The following TTLL12 variants were observed in gnomAD, a reference collection of about 807,000 sequenced individuals.
TTLL12 encodes the protein tubulin tyrosine ligase like 12, also known as tubulin--tyrosine ligase-like protein 12.
A neutral mutation model predicts 79.6 loss-of-function variants in TTLL12; 77 were observed. That is an observed-to-expected ratio of 0.97 (90% CI 0.81 to 1.17). The LOEUF (loss-of-function observed/expected upper bound fraction) is 1.17, where lower values mean the gene tolerates loss of function less well. TTLL12 is among the 50% of genes most tolerant of loss of function. The pLI is 0.00. For synonymous variants in TTLL12, 437 were observed against 376.1 expected (o/e 1.16, Z -1.87); for missense variants, 969 against 895.9 (o/e 1.08, Z -1.04).
chr22:43,173,073 T>C (rs1931806596), intron 9 of TTLL12, among the ~76,000 whole-genome samples: 1 of 152,200 alleles, frequency 6.6e-6, no homozygotes, highest in Admixed American at 6.5e-5. Flanking sequence ...CCCCATCCCA[T>C]GGCCTGAAGT....
intron 8 of TTLL12, 54 bp downstream of exon 8, chr22:43,174,155 G>T: frequency 6.4e-7 from 1 of 1,565,372 alleles, no homozygotes; most frequent in Non-Finnish European, 8.6e-7. Context: ...GGACACAGAC[G>T]CTGGGCCGGG....
At position 43,167,827 on chromosome 22, in the gene TTLL12, G is replaced by C; in HGVS notation, c.*181C>G. ...CTGTCCTGCTCTGACCCACAGGTGA[G>C]AGGAGGATGCTGTGCTCCCGGAGTG... is the stretch of plus-strand genomic sequence containing the variant. On this transcript the variant is annotated 3_prime_UTR_variant, in exon 14 of 14. Coordinates refer to ENST00000216129, the MANE Select transcript of TTLL12 (RefSeq NM_015140.4). 1 of 684,036 alleles carries C rather than the reference G, an allele frequency of 1.5e-6. No individual in the cohort carries two copies. Among genetic ancestry groups the C allele is most frequent in the Non-Finnish European group, 2.4e-6 (1 of 412,586 alleles). 42.4% of individuals were successfully genotyped at this position (684,036 alleles called of 1,614,324 possible).
At chr22:43,172,739 C>G (rs1181590442) in intron 9 of TTLL12, among the ~76,000 whole-genome samples, 185 bp from the exon 10 acceptor site, 1 of 151,846 alleles carries the variant, frequency 6.6e-6, no homozygotes, top group Non-Finnish European at 1.5e-5. Flanking sequence ...GTTCTGTTGC[C>G]CAAGCTGGAG....
chr22:43,181,863 C>T (rs916519064), intron 2 of TTLL12, among the ~76,000 whole-genome samples: 9 of 152,094 alleles, frequency 5.9e-5, no homozygotes, highest in Admixed American at 5.9e-4. Flanking sequence ...AGTGGGTGAC[C>T]ACGTGATGCA....
chr22:43,174,348 G>A lies in TTLL12; in HGVS notation c.1090C>T (p.Leu364=), dbSNP rs762612597. The change falls in exon 8 of 14, where the codon CTG becomes TTG. Residue 364 remains leucine (L), a synonymous_variant. Coordinates refer to ENST00000216129, the MANE Select transcript of TTLL12 (RefSeq NM_015140.4). ...GCCAGGCAGTCCTTGACAGTCAGCA[G>A]GTTCTCGCAGGGGAACTGGTTCAGC... ...VLLNQFPCEN[L]LTVKDCLASI... is the part of the protein sequence containing the mutation. 11 of 1,596,242 alleles carry A rather than the reference G, an allele frequency of 6.9e-6. No individual in the cohort carries two copies. The highest frequency in any genetic ancestry group is 3.3e-5 in the South Asian group (3 of 89,908).
At chr22:43,185,065 T>C (rs2146626759) in intron 1 of TTLL12, among the ~76,000 whole-genome samples, 1 of 151,452 alleles carries the variant, frequency 6.6e-6, no homozygotes, top group East Asian at 2.0e-4. Context: ...CCATCTCTAC[T>C]AAAAATACAA....
chr22:43,182,720 G>A (rs1395980036), intron 2 of TTLL12, among the ~76,000 whole-genome samples: 2 of 152,162 alleles, frequency 1.3e-5, no homozygotes, highest in African/African-American at 4.8e-5. Context: ...CTAATCCCCT[G>A]TAGCAGGACC....
chr22:43,176,386 T>C lies in TTLL12; in HGVS notation c.851A>G (p.Glu284Gly), dbSNP rs548022171. The change falls in exon 6 of 14, where the codon GAG (glutamate) becomes GGG (glycine). Residue 284 changes from glutamate to glycine, a missense_variant. Physicochemically the swap from Glu to Gly is moderately conservative, Grantham distance 98 (BLOSUM62 -2). Transcript: ENST00000216129. ...PPAEHYQAIL[E>G]ENKEKLPLDI... ...AAGTGGCAGCTTCTCCTTGTTTTCC[T>C]CCAGAATGGCCTAAAAGGAAACACA... 2 of 1,605,526 alleles carry C rather than the reference T, an allele frequency of 1.2e-6. No individual in the cohort carries two copies. The highest frequency in any genetic ancestry group is 2.2e-5 in the South Asian group (2 of 89,078).
rs769505266 is a variant in TTLL12 at position 43,180,744 on chromosome 22, C to T, written c.544G>A (p.Gly182Arg). 1.6e-5 allele frequency: 26 copies of T among 1,612,868 alleles called. No homozygotes were observed. The highest frequency in any genetic ancestry group is 3.3e-5 in the Admixed American group (2 of 59,994). Residue 182 changes from glycine (G) to arginine (R), a missense_variant and splice_region_variant, in exon 3 of 14, where the codon GGG becomes AGG. Gly to Arg is a moderately radical substitution (Grantham distance 125, BLOSUM62 -2). Coordinates refer to ENST00000216129, the MANE Select transcript of TTLL12 (RefSeq NM_015140.4). ...CCGGGGCCCAGCTACCCACTCACCC[C>T]ATGGGCCAGCTGGTAGGTCTGGTTG... ...KFNQTYQLAH[G>R]TAEEKMPVWY... is the part of the protein sequence containing the mutation.
At chr22:43,169,873 C>T (rs748014267) in intron 11 of TTLL12, 18 of 489,860 alleles carry the variant, frequency 3.7e-5, no homozygotes, top group Non-Finnish European at 7.2e-5. Context: ...TCACGCGAGA[C>T]AATGAACATC....
Position 43,187,099 on chromosome 22 carries a change from C to G in TTLL12, c.-30G>C. The G allele has an allele frequency of 9.1e-7, 1 of 1,095,050 alleles. No individual in the cohort carries two copies. Among genetic ancestry groups the G allele is most frequent in the Non-Finnish European group, 1.1e-6 (1 of 903,172 alleles). 67.8% of individuals were successfully genotyped at this position (1,095,050 alleles called of 1,614,324 possible). ...CCAGCACCCGCGCCGACTCCAGCGC[C>G]GCCACCGCCGCCGCCGCCCGCCGTC... On this transcript the variant is annotated 5_prime_UTR_variant, in exon 1 of 14. Transcript: ENST00000216129.
At chr22:43,181,830 G>C (rs2067073509) in intron 2 of TTLL12, among the ~76,000 whole-genome samples, 1 of 152,202 alleles carries the variant, frequency 6.6e-6, no homozygotes, top group African/African-American at 2.4e-5. Flanking sequence ...AAATAAGTGG[G>C]TTTACTCTTG....
At chr22:43,185,297 A>ATATGTATG (rs1569488247) in intron 1 of TTLL12, among the ~76,000 whole-genome samples, 2 of 106,132 alleles carry the variant, frequency 1.9e-5, no homozygotes, top group African/African-American at 7.6e-5. Flanking sequence ...ATATATATAT[A>ATATGTATG]TATGTATGTA....
rs745411382 is a variant in TTLL12, at chr22:43,173,744, T to C, written c.1312A>G (p.Ile438Val). Residue 438 changes from isoleucine (I) to valine (V), a missense_variant, in exon 9 of 14, where the codon ATC becomes GTC. Coordinates refer to ENST00000216129, the MANE Select transcript of TTLL12 (RefSeq NM_015140.4). ...GGGGTGCTCTCTCGGTGCCGGATGA[T>C]GCTGTGCAGGCTCTTGGTGACGTGG... is the stretch of plus-strand genomic sequence containing the variant. ...DTHVTKSLHS[I>V]IRHRESTPKV... 1.1e-5 allele frequency: 18 copies of C among 1,603,790 alleles called. No individual in the cohort carries two copies. The highest frequency in any genetic ancestry group is 9.9e-5 in the South Asian group (9 of 91,060).
rs1490311610 is a variant in TTLL12 at position 43,179,913 on chromosome 22, C to T, written c.634G>A (p.Ala212Thr). ...TGCTGCGGCATGTAGAAGAAGGGTG[C>T]CGTGGCGAAGCTGGGCACGTCCGCG... ...QHADVPSFAT[A>T]PFFYMPQQVA... The change falls in exon 4 of 14, where the codon GCA becomes ACA. Residue 212 changes from alanine to threonine, a missense_variant. By Grantham distance (58) the Ala-to-Thr change is moderately conservative (BLOSUM62 0). Coordinates refer to ENST00000216129, the MANE Select transcript of TTLL12 (RefSeq NM_015140.4). The T allele has an allele frequency of 1.2e-6, 2 of 1,610,890 alleles. No homozygotes were observed. Among genetic ancestry groups the T allele is most frequent in the African/African-American group, 1.3e-5 (1 of 75,046 alleles).
rs1206068194 is a variant in TTLL12, at chr22:43,171,957, G to A, written c.1494-57C>T. ...TCTTGAGCGGCCTTGTCCCTGCGAGGGAGGTGCCACCCACTCAGCCTTCCC... is the reference window on the plus strand; with the variant it reads ...TCTTGAGCGGCCTTGTCCCTGCGAGAGAGGTGCCACCCACTCAGCCTTCCC... On this transcript the variant is annotated intron_variant, in intron 10 of 13. Transcript: ENST00000216129. 9 of 1,485,892 alleles carry A rather than the reference G, an allele frequency of 6.1e-6. No homozygotes were observed. The South Asian group carries it at 9.4e-5, about 16-fold the overall frequency. 92.0% of individuals were successfully genotyped at this position (1,485,892 alleles called of 1,614,324 possible).
Position 43,167,182 on chromosome 22 carries a change from C to CA in TTLL12, c.*825dup. The CA allele has an allele frequency of 1.9e-6, 1 of 532,140 alleles. No individual in the cohort carries two copies. The highest frequency in any genetic ancestry group is 3.9e-6 in the Non-Finnish European group (1 of 259,392). 33.0% of individuals were successfully genotyped at this position (532,140 alleles called of 1,614,324 possible). ...TTTCTGTCTGGCGCTCCACCGCCCA[C>CA]AATCAGCCCCAGCCCCAGGCGCCCC... On this transcript the variant is annotated 3_prime_UTR_variant, in exon 14 of 14. Coordinates refer to ENST00000216129, the MANE Select transcript of TTLL12 (RefSeq NM_015140.4).
chr22:43,169,500 C>T lies in TTLL12; in HGVS notation c.1644G>A (p.Gln548=). 2 of 1,594,298 alleles carry T rather than the reference C, an allele frequency of 1.3e-6. No individual in the cohort carries two copies. The highest frequency in any genetic ancestry group is 2.3e-5 in the South Asian group (2 of 88,530). The change falls in exon 12 of 14, where the codon CAG becomes CAA. Residue 548 remains glutamine (Q), a splice_region_variant and synonymous_variant. Transcript: ENST00000216129. ...QYPEFPWTDV[Q]AEIFRAFTEL... ...CGATGGTGTGCAGGACAGGAATTACCTGGACGTCCGTCCAGGGAAATTCTG... is the reference window on the plus strand; with the variant it reads ...CGATGGTGTGCAGGACAGGAATTACTTGGACGTCCGTCCAGGGAAATTCTG...
intron 6 of TTLL12, 39 bp from the exon 7 acceptor site, chr22:43,174,654 A>C: frequency 6.8e-7 from 1 of 1,481,412 alleles, no homozygotes; most frequent in Non-Finnish European, 9.2e-7. Flanking sequence ...CCGGCTCCCA[A>C]GTGTCCAAGC....
Sources: allele counts gnomAD v4.1 joint callset (sites outside exome capture counted in the v4.1 genomes callset), GRCh38; gene constraint gnomAD v4.1.1; transcripts MANE v1.5; gene names NCBI Gene and HGNC (gene_info 2026-07-23, HGNC 2026-07-21).